Variants in KDM6A observed in about 807,000 individuals in gnomAD.
The protein encoded by KDM6A is lysine demethylase 6A, also known as lysine-specific demethylase 6A.
Under a neutral mutation model 117.6 loss-of-function variants are expected in KDM6A, and 11 were observed. The observed-to-expected ratio is 0.09, with a 90% CI of 0.06 to 0.15. KDM6A has a LOEUF of 0.15. KDM6A is among the 10% of genes least tolerant of loss of function. KDM6A has a pLI of 1.00. For missense variants in KDM6A, 799 were observed against 1,077.3 expected, an observed-to-expected ratio of 0.74 and a Z score of 3.62; for synonymous variants, 384 against 396.1, an observed-to-expected ratio of 0.97 and a Z score of 0.36.
chrX:45,062,528 A>C, intron 15 of KDM6A, 119 bp from the exon 16 acceptor site: 2 of 509,597 alleles, frequency 3.9e-6, no homozygotes, highest in East Asian at 3.7e-5. Flanking sequence ...GTCAGAAGAC[A>C]GTGTGTTTGA....
At chrX:44,910,919 A>G (rs2035066782) in intron 2 of KDM6A, among the ~76,000 whole-genome samples, 1 of 112,240 alleles carries the variant, frequency 8.9e-6, no homozygotes, top group Admixed American at 9.3e-5. Flanking sequence ...ACACAGCAAC[A>G]ATCTGATTTT....
chrX:44,899,004 G>GGTGTGTGTGTGTGTGT (rs745714866), intron 2 of KDM6A, among the ~76,000 whole-genome samples: 1,852 of 79,588 alleles, frequency 0.023, 49 homozygotes, highest in African/African-American at 0.073. Context: ...GGAGAGGGAG[G>GGTGTGTGTGTGTGTGT]GTGTGTGTGT....
At chrX:45,020,559 A>T (rs2147663143) in intron 5 of KDM6A, 51 bp from the exon 6 acceptor site, 27 of 793,350 alleles carry the variant, frequency 3.4e-5, no homozygotes, top group Non-Finnish European at 4.4e-5. Flanking sequence ...CCAAGCAAGA[A>T]TTCATGCACG....
intron 2 of KDM6A, among the ~76,000 whole-genome samples, chrX:44,900,684 G>A (rs1056348873): frequency 9.0e-6 from 1 of 111,262 alleles, no homozygotes; most frequent in African/African-American, 3.3e-5. Flanking sequence ...GGATCATGAG[G>A]TCAGGAGTTT....
chrX:44,983,436 A>G (rs2040011687), intron 4 of KDM6A, among the ~76,000 whole-genome samples: 1 of 111,284 alleles, frequency 9.0e-6, no homozygotes, highest in African/African-American at 3.3e-5. Context: ...ATTATACTTT[A>G]AGTTTTAGGG....
intron 3 of KDM6A, among the ~76,000 whole-genome samples, chrX:44,969,257 C>T (rs1473868883): frequency 1.8e-5 from 2 of 110,281 alleles, no homozygotes; most frequent in Admixed American, 9.7e-5. Flanking sequence ...AGTAATTGGT[C>T]GTTTGTTGCA....
intron 2 of KDM6A, among the ~76,000 whole-genome samples, chrX:44,932,678 T>C (rs888753814): frequency 1.8e-5 from 2 of 111,283 alleles, no homozygotes; most frequent in African/African-American, 3.3e-5. Context: ...ATTGTAAATA[T>C]TTATTAAGCC....
At chrX:45,034,788 T>C (rs1369340066) in intron 6 of KDM6A, 143 bp from the exon 7 acceptor site, 1 of 505,716 alleles carries the variant, frequency 2.0e-6, no homozygotes, top group Non-Finnish European at 3.5e-6. Flanking sequence ...GTTCAAAGTA[T>C]TTCTAGTTGG....
At chrX:45,106,077 G>C (rs1225323530) in intron 27 of KDM6A, among the ~76,000 whole-genome samples, 1 of 109,680 alleles carries the variant, frequency 9.1e-6, no homozygotes, top group Non-Finnish European at 1.9e-5. Flanking sequence ...GTGCTAAAAA[G>C]GTTGGGGACC....
intron 8 of KDM6A, among the ~76,000 whole-genome samples, chrX:45,039,529 T>TTTTTA (rs1491173649): frequency 1.2e-5 from 1 of 85,408 alleles, no homozygotes; most frequent in South Asian, 6.1e-4. Flanking sequence ...TTTTTTTTTT[T>TTTTTA]ATTGATCATT....
At chrX:45,085,718 C>G in intron 24 of KDM6A, 147 bp from the exon 25 acceptor site, 1 of 458,371 alleles carries the variant, frequency 2.2e-6, no homozygotes, top group Non-Finnish European at 3.9e-6. Context: ...CTAGAGTGTT[C>G]TCTGTTGAGC....
rs1421910609 is a variant in KDM6A at position 44,974,602 on chromosome X, T to A, written c.335-64T>A. On this transcript the variant is annotated intron_variant, in intron 3 of 29. Coordinates refer to ENST00000611820, the MANE Select transcript of KDM6A (RefSeq NM_001291415.2). ...GTGGTGGGAATCTTGTTACCGTGTT[T>A]GTTAAGTGTATTATTGACTTTAAAG... 9 of 749,997 alleles carry A rather than the reference T, an allele frequency of 1.2e-5. No homozygotes were observed. In the African/African-American group the frequency reaches 1.5e-4, roughly 12 times the overall value. 61.8% of individuals were successfully genotyped at this position (749,997 alleles called of 1,213,427 possible). A position where few individuals can be genotyped will look rare whatever the true frequency, so the allele number is the denominator to read the frequency against.
At chrX:44,925,832 A>G (rs1427110981) in intron 2 of KDM6A, among the ~76,000 whole-genome samples, 1 of 111,859 alleles carries the variant, frequency 8.9e-6, no homozygotes, top group Non-Finnish European at 1.9e-5. Flanking sequence ...ACTAGATTTT[A>G]ATTGGTTTTT....
chrX:45,061,367 C>A lies in KDM6A; in HGVS notation c.1529C>A (p.Pro510His), dbSNP rs1217264930. 2 of 1,187,805 alleles carry A rather than the reference C, an allele frequency of 1.7e-6. No homozygotes were observed. The highest frequency in any genetic ancestry group is 2.3e-6 in the Non-Finnish European group (2 of 876,149). The stretch of plus-strand genomic sequence containing the variant: ...AGTGGTGGACATGCTGTGTCACATC[C>A]TCCAGTACAGCAACAAGCTCATTCA... ...NWSGGHAVSH[P>H]PVQQQAHSWC... Residue 510 changes from proline (P) to histidine (H), a missense_variant, in exon 15 of 30, where the codon CCT (proline) becomes CAT (histidine). By Grantham distance (77) the Pro-to-His change is moderately conservative (BLOSUM62 -2). Around this residue, in one of 8 missense-constraint regions of KDM6A, gnomAD observed 301 missense variants for 318.3 expected, o/e 0.95. Transcript: ENST00000611820.
In KDM6A at chrX:45,068,582, G is replaced by A. The variant is rs184393201; in HGVS notation, c.2080-997G>A. ...TTTTTAAAAAAAAAAAAAAAAAAGA[G>A]AGACACAAGGTTCTGCTCTGTCACC... On this transcript the variant is annotated intron_variant, in intron 17 of 29. Coordinates refer to ENST00000611820, the MANE Select transcript of KDM6A (RefSeq NM_001291415.2). Among the ~76,000 whole-genome samples the A allele has an allele frequency of 8.4e-3, 856 of 101,651 alleles. 10 individuals are homozygous for A. The highest frequency in any genetic ancestry group is 0.029 in the African/African-American group (823 of 27,935). 88.3% of individuals were successfully genotyped at this position (101,651 alleles called of 115,157 possible). A position where few individuals can be genotyped will look rare whatever the true frequency, so the allele number is the denominator to read the frequency against.
intron 27 of KDM6A, among the ~76,000 whole-genome samples, chrX:45,104,201 T>C (rs2046444931): frequency 9.0e-6 from 1 of 111,515 alleles, no homozygotes. Context: ...ATTTTGTATG[T>C]TTAGTAGAGA....
At position 45,090,878 on chromosome X, in the gene KDM6A, A is replaced by G. The variant is rs1359497598; in HGVS notation, c.4034+14A>G. 9 of 1,205,900 alleles carry G rather than the reference A, an allele frequency of 7.5e-6. No individual in the cohort carries two copies. Among genetic ancestry groups the G allele is most frequent in the Non-Finnish European group, 9.0e-6 (8 of 890,197 alleles). On this transcript the variant is annotated intron_variant, in intron 27 of 29. Transcript: ENST00000611820. ...TGAAATGATTAAGTAAGTCTTTTCT[A>G]AAACTGCTGTAGTCCCTCTCTTTTT... is the stretch of plus-strand genomic sequence containing the variant.
chrX:45,079,167 A>C lies in KDM6A; in HGVS notation c.3116A>C (p.Lys1039Thr). 8.3e-7 allele frequency: 1 copy of C among 1,209,369 alleles called. No individual in the cohort carries two copies. Among genetic ancestry groups the C allele is most frequent in the Non-Finnish European group, 1.1e-6 (1 of 893,248 alleles). The stretch of plus-strand genomic sequence containing the variant: ...GAAGACCTGGGACTTTTCTCTACTA[A>C]AACTTTGGTGGAAGCTAACAATGAA... ...LKLDLGLFSTKTLVEANNEHM... is the reference protein window; with the variant it reads ...LKLDLGLFSTTTLVEANNEHM... Residue 1039 changes from lysine (K) to threonine (T), a missense_variant, in exon 21 of 30, where the codon AAA (lysine) becomes ACA (threonine). Physicochemically the swap from Lys to Thr is moderately conservative, Grantham distance 78. Transcript: ENST00000611820.
intron 2 of KDM6A, among the ~76,000 whole-genome samples, chrX:44,912,966 A>T (rs751423076): frequency 3.5e-4 from 39 of 112,307 alleles, no homozygotes; most frequent in Non-Finnish European, 4.1e-4. Context: ...AAGCCTTTTA[A>T]TGCTCTAGGC....
Sources: allele counts gnomAD v4.1 joint callset (sites outside exome capture counted in the v4.1 genomes callset), GRCh38; gene constraint gnomAD v4.1.1; regional missense constraint gnomAD v4.1.1; transcripts MANE v1.5; gene names NCBI Gene and HGNC (gene_info 2026-07-23, HGNC 2026-07-21).